The following DIP2C variants were observed in gnomAD, a reference collection of about 807,000 sequenced individuals.
The protein encoded by DIP2C is DIP2 acetate--CoA ligase C (putative).
DIP2C carries 33 observed loss-of-function variants against 192.4 expected under a neutral mutation model. The ratio of observed to expected loss-of-function variants is 0.17; its 90% CI spans 0.13 to 0.23. The LOEUF (loss-of-function observed/expected upper bound fraction) is 0.23, where lower values mean the gene tolerates loss of function less well. DIP2C is among the 10% of genes least tolerant of loss of function. DIP2C has a pLI of 1.00. For missense variants in DIP2C, 1,537 were observed against 2,110.1 expected, an observed-to-expected ratio of 0.73 and a Z score of 5.32; for synonymous variants, 979 against 864.1, an observed-to-expected ratio of 1.13 and a Z score of -2.33.
intron 3 of DIP2C, among the ~76,000 whole-genome samples, chr10:458,484 C>T (rs1401782542): frequency 6.6e-6 from 1 of 150,708 alleles, no homozygotes; most frequent in African/African-American, 2.4e-5. Context: ...TCACCGGCAG[C>T]GCGTGACAGA....
At chr10:448,334 TCA>T (rs1385759487) in intron 3 of DIP2C, among the ~76,000 whole-genome samples, 1 of 128,190 alleles carries the variant, frequency 7.8e-6, no homozygotes, top group African/African-American at 3.4e-5. Context: ...ATATTCAGGA[TCA>T]CACACAGTGG....
intron 6 of DIP2C, 66 bp downstream of exon 6, chr10:418,999 G>A (rs552053864): frequency 1.6e-5 from 25 of 1,603,100 alleles, no homozygotes; most frequent in East Asian, 4.5e-5. Flanking sequence ...CCAGTCATGG[G>A]CACGGAACGG....
rs1397503016 is a variant in DIP2C at position 456,997 on chromosome 10, A to AT, written c.268+15441dup. On this transcript the variant is annotated intron_variant, in intron 3 of 36. Coordinates refer to ENST00000280886, the MANE Select transcript of DIP2C (RefSeq NM_014974.3). ...ATACTTCATTTCTCTTACAGTGTTT[A>AT]TTTCTAGCATTGCCTTTTGATTCCT... Among the ~76,000 whole-genome samples, 17 of 152,308 alleles carry AT rather than the reference A, an allele frequency of 1.1e-4. No individual in the cohort carries two copies. The South Asian group carries it at 3.1e-3, about 28-fold the overall frequency.
chr10:663,502 G>A (rs1482207987), intron 1 of DIP2C: 1 of 152,276 alleles, frequency 6.6e-6, no homozygotes, highest in Non-Finnish European at 1.5e-5. Flanking sequence ...TGCATCCCAG[G>A]AAGCAGGGAC....
At chr10:428,558 G>A (rs546293497) in intron 4 of DIP2C, among the ~76,000 whole-genome samples, 20 of 151,758 alleles carry the variant, frequency 1.3e-4, no homozygotes, top group South Asian at 8.4e-4. Context: ...CTTTTTCTTC[G>A]GAGTCCTTTC....
chr10:548,911 C>CAA (rs61437915), intron 1 of DIP2C, among the ~76,000 whole-genome samples: 303 of 26,434 alleles, frequency 0.011, 30 homozygotes, highest in East Asian at 0.016. Flanking sequence ...TAGCAGCTCA[C>CAA]AAAAAAAAAA....
intron 31 of DIP2C, 131 bp downstream of exon 31, chr10:326,875 G>T: frequency 9.1e-7 from 1 of 1,095,820 alleles, no homozygotes; most frequent in Non-Finnish European, 1.3e-6. Context: ...CCAACCGCAT[G>T]CGTGTGACTG....
In DIP2C at chr10:485,150, C is replaced by T. The variant is rs546948784; in HGVS notation, c.157+1309G>A. On this transcript the variant is annotated intron_variant, in intron 2 of 36. Transcript: ENST00000280886. ...TGCGCTGGAGAACCGTCCTGGCAAG[C>T]GAGGAACCGCTTCTGTTTCACTTTT... Among the ~76,000 whole-genome samples, 89 of 152,336 alleles carry T rather than the reference C, an allele frequency of 5.8e-4. 1 individual carries two copies. Among genetic ancestry groups the T allele is most frequent in the African/African-American group, 1.6e-3 (68 of 41,568 alleles).
chr10:431,065 C>G (rs1966851090), intron 4 of DIP2C, among the ~76,000 whole-genome samples: 2 of 152,118 alleles, frequency 1.3e-5, no homozygotes, highest in South Asian at 4.1e-4. Flanking sequence ...CCCATTGATC[C>G]TTTTGTTTGT....
chr10:683,234 A>T (rs1564339601), intron 1 of DIP2C, among the ~76,000 whole-genome samples: 1 of 152,206 alleles, frequency 6.6e-6, no homozygotes, highest in African/African-American at 2.4e-5. Context: ...TGGATATTGA[A>T]GAAAGAAGGC....
intron 32 of DIP2C, among the ~76,000 whole-genome samples, chr10:290,040 C>T (rs1012469236): frequency 2.0e-5 from 3 of 152,152 alleles, no homozygotes; most frequent in Admixed American, 1.3e-4. Context: ...TCCTCTGTGG[C>T]GGAAACAGGG....
intron 1 of DIP2C, among the ~76,000 whole-genome samples, chr10:508,813 G>C (rs1380962411): frequency 6.6e-6 from 1 of 152,178 alleles, no homozygotes; most frequent in Non-Finnish European, 1.5e-5. Flanking sequence ...CTGGAGATGG[G>C]AAGTTGTGTA....
At chr10:478,960 G>GCAC (rs1344468092) in intron 2 of DIP2C, among the ~76,000 whole-genome samples, 1 of 152,154 alleles carries the variant, frequency 6.6e-6, no homozygotes, top group Non-Finnish European at 1.5e-5. Context: ...TCCTTCCCCA[G>GCAC]CACCCAGGGG....
chr10:494,011 C>A (rs961427330), intron 1 of DIP2C, among the ~76,000 whole-genome samples: 10 of 152,146 alleles, frequency 6.6e-5, no homozygotes, highest in Admixed American at 1.3e-4. Flanking sequence ...AGGAGGACAA[C>A]TGGAATAAAC....
At chr10:550,598 A>AAG (rs1452913830) in intron 1 of DIP2C, among the ~76,000 whole-genome samples, 2 of 152,146 alleles carry the variant, frequency 1.3e-5, no homozygotes, top group African/African-American at 2.4e-5. Flanking sequence ...GACCTCCCAG[A>AAG]AGCTCTTCTC....
At chr10:580,831 A>G (rs1434800928) in intron 1 of DIP2C, among the ~76,000 whole-genome samples, 1 of 152,234 alleles carries the variant, frequency 6.6e-6, no homozygotes, top group Non-Finnish European at 1.5e-5. Context: ...AGAAGGGCGC[A>G]ACCACTTTCT....
At chr10:585,076 C>T (rs929023849) in intron 1 of DIP2C, among the ~76,000 whole-genome samples, 2 of 152,156 alleles carry the variant, frequency 1.3e-5, no homozygotes, top group African/African-American at 2.4e-5. Flanking sequence ...CCCCCACTCA[C>T]GGGCATCACC....
At chr10:293,785 A>G (rs1234919746) in intron 32 of DIP2C, among the ~76,000 whole-genome samples, 1 of 152,156 alleles carries the variant, frequency 6.6e-6, no homozygotes, top group Non-Finnish European at 1.5e-5. Flanking sequence ...CACAAACAAA[A>G]CCAAAAACAA....
chr10:618,044 T>C (rs1432513584), intron 1 of DIP2C, among the ~76,000 whole-genome samples: 2 of 152,192 alleles, frequency 1.3e-5, no homozygotes, highest in African/African-American at 2.4e-5. Flanking sequence ...TCTGTGATTG[T>C]GTGTTTAAAA....
Sources: gnomAD v4.1 joint callset for allele counts (sites outside exome capture counted in the v4.1 genomes callset) on GRCh38, gnomAD v4.1.1 for gene constraint, MANE v1.5 for transcripts, NCBI Gene and HGNC (gene_info 2026-07-23, HGNC 2026-07-21) for gene names.